Variants in GPR78 observed in about 807,000 individuals in gnomAD.
GPR78 encodes G protein-coupled receptor 78.
GPR78 carries 29 observed loss-of-function variants against 17.9 expected under a neutral mutation model. The observed-to-expected ratio is 1.62, with a 90% CI of 1.20 to 2.21. The LOEUF (loss-of-function observed/expected upper bound fraction) is 2.21. Ranked by LOEUF, GPR78 falls within the 30% of genes most tolerant of loss-of-function variation. GPR78 has a pLI of 0.00. For missense variants in GPR78, 649 were observed against 530.5 expected (o/e 1.22, Z -2.19); for synonymous variants, 349 against 256.9 (o/e 1.36, Z -3.43).
At chr4:8,582,711 C>T (rs925373998) in intron 2 of GPR78, 67 bp downstream of exon 2, 2 of 1,041,130 alleles carry the variant, frequency 1.9e-6, no homozygotes, top group Non-Finnish European at 3.0e-6. Flanking sequence ...GTTGAGTAGG[C>T]CTCTGAGGTT....
At chr4:8,586,188 C>T (rs1347740721) in intron 2 of GPR78, among the ~76,000 whole-genome samples, 2 of 152,200 alleles carry the variant, frequency 1.3e-5, no homozygotes, top group African/African-American at 4.8e-5. Flanking sequence ...ATGGCCCCTA[C>T]CCTAGGCTGT....
chr4:8,585,571 T>C (rs1577099907), intron 2 of GPR78, among the ~76,000 whole-genome samples: 1 of 152,306 alleles, frequency 6.6e-6, no homozygotes, highest in South Asian at 2.1e-4. Context: ...GTGCATGTGC[T>C]GGCCGGTGGC....
At chr4:8,586,806 C>A (rs940291539) in intron 2 of GPR78, among the ~76,000 whole-genome samples, 3 of 152,204 alleles carry the variant, frequency 2.0e-5, no homozygotes, top group Admixed American at 6.5e-5. Flanking sequence ...GTGCTGCCAC[C>A]TACTGAGCAC....
chr4:8,589,664 A>G lies in GPR78; in HGVS notation c.*2301A>G, dbSNP rs1414130322. ...TGTGTTATTGCATCTCCGCCAGGCTAAAAGCCTTGGTCACTACTTTAGAGC... is the reference window on the plus strand; with the variant it reads ...TGTGTTATTGCATCTCCGCCAGGCTGAAAGCCTTGGTCACTACTTTAGAGC... On this transcript the variant is annotated 3_prime_UTR_variant, in exon 3 of 3. Coordinates refer to ENST00000382487, the MANE Select transcript of GPR78 (RefSeq NM_080819.5). Among the ~76,000 whole-genome samples the G allele has an allele frequency of 1.3e-5, 2 of 152,232 alleles. No homozygotes were observed. The highest frequency in any genetic ancestry group is 2.9e-5 in the Non-Finnish European group (2 of 68,034).
In GPR78 at chr4:8,587,177, C is replaced by T. The variant is rs761866650; in HGVS notation, c.906C>T (p.Arg302=). ...ACTCTCTGCTCCGCCGGCCGTTCCG[C>T]CAAGTCCTGGCCGGCATGGTGCACC... ...FTYSLLRRPF[R]QVLAGMVHRL... is the part of the protein sequence containing the mutation. The change falls in exon 3 of 3, where the codon CGC becomes CGT. Residue 302 remains arginine (R), a synonymous_variant. Transcript: ENST00000382487. 3.1e-6 allele frequency: 5 copies of T among 1,613,232 alleles called. No homozygotes were observed. The South Asian group carries it at 5.5e-5, about 18-fold the overall frequency.
chr4:8,584,222 C>CATG (rs10662031), intron 2 of GPR78, among the ~76,000 whole-genome samples: 12,239 of 152,064 alleles, frequency 0.08, 1,464 homozygotes, highest in African/African-American at 0.26. Context: ...CTTACTCAGC[C>CATG]ATATTATGTT....
Position 8,581,536 on chromosome 4 carries a change from T to G in GPR78, c.554T>G (p.Leu185Arg). 2 of 1,587,956 alleles carry G rather than the reference T, an allele frequency of 1.3e-6. No homozygotes were observed. The highest frequency in any genetic ancestry group is 8.5e-7 in the Non-Finnish European group (1 of 1,175,172). ...CATGCCGTGGGCTTCGTGCTGCCGC[T>G]GGCGGTGCTCTGCCTCACCTCGCTC... ...TLHAVGFVLP[L>R]AVLCLTSLQV... The change falls in exon 1 of 3, where the codon CTG (leucine) becomes CGG (arginine). Residue 185 changes from leucine (L) to arginine (R), a missense_variant. Physicochemically the swap from Leu to Arg is moderately radical, Grantham distance 102. Coordinates refer to ENST00000382487, the MANE Select transcript of GPR78 (RefSeq NM_080819.5).
intron 2 of GPR78, among the ~76,000 whole-genome samples, chr4:8,585,114 G>A (rs903278020): frequency 2.0e-5 from 3 of 152,224 alleles, no homozygotes; most frequent in African/African-American, 7.2e-5. Context: ...CCCGTGGGGT[G>A]TGCGGCAGTG....
chr4:8,583,219 C>T lies in GPR78; in HGVS notation c.782+575C>T, dbSNP rs544548198. On this transcript the variant is annotated intron_variant, in intron 2 of 2. Coordinates refer to ENST00000382487, the MANE Select transcript of GPR78 (RefSeq NM_080819.5). ...GGGCAGGGGAGTCTGTAGTTTTTGC[C>T]TCCGGGGTTCCTGGGTCACCCACTC... 7.2e-5 allele frequency among the ~76,000 whole-genome samples: 11 copies of T among 152,276 alleles called. No individual in the cohort carries two copies. The South Asian group carries it at 2.1e-3, about 29-fold the overall frequency.
rs138915515 is a variant in GPR78, at chr4:8,581,483, G to C, written c.501G>C (p.Pro167=). 2.5e-6 allele frequency: 4 copies of C among 1,591,996 alleles called. 1 individual carries two copies. Among genetic ancestry groups the C allele is most frequent in the South Asian group, 2.2e-5 (2 of 89,722 alleles). The part of the protein sequence containing the change: ...SLRLPPEPER[P]RFAAFTATLH... ...GCCTGCCGCCCGAGCCTGAGCGTCC[G>C]CGCTTCGCAGCCTTCACCGCCACGC... Residue 167 remains proline, a synonymous_variant, in exon 1 of 3, where the codon CCG becomes CCC. Transcript: ENST00000382487.
rs1560280022 is a variant in GPR78, at chr4:8,580,674, GC to G, written c.-308del. The G allele has an allele frequency of 4.5e-6, 2 of 445,864 alleles. No homozygotes were observed. The highest frequency in any genetic ancestry group is 7.8e-6 in the Non-Finnish European group (2 of 254,948). The allele number at this position is 445,864 out of a possible 1,614,324, so 27.6% of individuals were successfully genotyped here. A position where few individuals can be genotyped will look rare whatever the true frequency, so the allele number is the denominator to read the frequency against. ...CCTACGCCCCGCGCCCCTGCGCCTC[GC>G]TTCAGCCTCAGGACAGTCCTGCCGG... On this transcript the variant is annotated 5_prime_UTR_variant, in exon 1 of 3. Coordinates refer to ENST00000382487, the MANE Select transcript of GPR78 (RefSeq NM_080819.5).
chr4:8,588,465 C>G lies in GPR78; in HGVS notation c.*1102C>G, dbSNP rs1481806712. Among the ~76,000 whole-genome samples the G allele has an allele frequency of 6.6e-6, 1 of 152,244 alleles. No homozygotes were observed. Among genetic ancestry groups the G allele is most frequent in the Non-Finnish European group, 1.5e-5 (1 of 68,046 alleles). ...ATTTCACAGCTCAGGGAAAGGTGCA[C>G]AGTGCACACGGGCACCCGGTGGAGA... is the stretch of plus-strand genomic sequence containing the variant. On this transcript the variant is annotated 3_prime_UTR_variant, in exon 3 of 3. Coordinates refer to ENST00000382487, the MANE Select transcript of GPR78 (RefSeq NM_080819.5).
chr4:8,582,815 C>T (rs147129513), intron 2 of GPR78, 171 bp downstream of exon 2: 2 of 595,142 alleles, frequency 3.4e-6, no homozygotes, highest in Admixed American at 5.6e-5. Flanking sequence ...GGGAAAGATC[C>T]TGGGAGGGAG....
At chr4:8,586,524 C>G (rs570371773) in intron 2 of GPR78, among the ~76,000 whole-genome samples, 2 of 152,330 alleles carry the variant, frequency 1.3e-5, no homozygotes, top group South Asian at 4.1e-4. Flanking sequence ...TGTTCTGCAG[C>G]CCAGGTTGAC....
intron 2 of GPR78, among the ~76,000 whole-genome samples, chr4:8,585,723 C>T (rs990393442): frequency 6.6e-6 from 1 of 152,108 alleles, no homozygotes; most frequent in African/African-American, 2.4e-5. Flanking sequence ...CTGTGCCCCT[C>T]ACCTTCTCTC....
In GPR78 at chr4:8,587,067, G is replaced by C. The variant is rs137974329; in HGVS notation, c.796G>C (p.Val266Leu). The C allele has an allele frequency of 6.2e-7, 1 of 1,611,170 alleles. No individual in the cohort carries two copies. Among genetic ancestry groups the C allele is most frequent in the African/African-American group, 1.3e-5 (1 of 74,908 alleles). The change falls in exon 3 of 3, where the codon GTG becomes CTG. Residue 266 changes from valine (V) to leucine (L), a missense_variant. Transcript: ENST00000382487. ...PYVMTRLAEL[V>L]PFVTVNAQWG... is the part of the protein sequence containing the mutation. The stretch of plus-strand genomic sequence containing the variant: ...CTTCCCCAACAGGCTGGCGGAGCTC[G>C]TGCCCTTCGTCACCGTGAACGCCCA...
At position 8,582,569 on chromosome 4, in the gene GPR78, G is replaced by C. The variant is rs371542714; in HGVS notation, c.707G>C (p.Arg236Pro). 2 of 1,612,018 alleles carry C rather than the reference G, an allele frequency of 1.2e-6. No individual in the cohort carries two copies. Among genetic ancestry groups the C allele is most frequent in the East Asian group, 4.5e-5 (2 of 44,874 alleles). ...TGCCTCATCCAGCAGAAGCGGCGCC[G>C]CCACCGCGCCACCAGGAAGATTGGC... Reference protein sequence around the residue: ...QRCLIQQKRRRHRATRKIGIA... With the variant: ...QRCLIQQKRRPHRATRKIGIA... Residue 236 changes from arginine (R) to proline (P), a missense_variant, in exon 2 of 3, where the codon CGC (arginine) becomes CCC (proline). By Grantham distance (103) the Arg-to-Pro change is moderately radical (BLOSUM62 -2). Coordinates refer to ENST00000382487, the MANE Select transcript of GPR78 (RefSeq NM_080819.5).
chr4:8,589,912 T>C lies in GPR78; in HGVS notation c.*2549T>C, dbSNP rs1323105622. Among the ~76,000 whole-genome samples, 1 of 3,152 alleles carries C rather than the reference T, an allele frequency of 3.2e-4. No homozygotes were observed. Among genetic ancestry groups the C allele is most frequent in the African/African-American group, 4.5e-4 (1 of 2,224 alleles). The allele number at this position is 3,152 out of a possible 152,430, so 2.1% of individuals were successfully genotyped here. ...ATCCCTTGCCTTAGGCTTGTGGCCT[T>C]TTTTTTTTTTTTTTTTTTAATTTGA... is the stretch of plus-strand genomic sequence containing the variant. On this transcript the variant is annotated 3_prime_UTR_variant, in exon 3 of 3. Transcript: ENST00000382487.
chr4:8,580,668 C>G lies in GPR78; in HGVS notation c.-315C>G. ...CTCGCCCCTACGCCCCGCGCCCCTGCGCCTCGCTTCAGCCTCAGGACAGTC... is the reference window on the plus strand; with the variant it reads ...CTCGCCCCTACGCCCCGCGCCCCTGGGCCTCGCTTCAGCCTCAGGACAGTC... On this transcript the variant is annotated 5_prime_UTR_variant, in exon 1 of 3. Coordinates refer to ENST00000382487, the MANE Select transcript of GPR78 (RefSeq NM_080819.5). 1 of 443,290 alleles carries G rather than the reference C, an allele frequency of 2.3e-6. No homozygotes were observed. 27.5% of individuals were successfully genotyped at this position (443,290 alleles called of 1,614,324 possible).
Sources: gnomAD v4.1 joint callset for allele counts (sites outside exome capture counted in the v4.1 genomes callset) on GRCh38, gnomAD v4.1.1 for gene constraint, MANE v1.5 for transcripts, NCBI Gene and HGNC (gene_info 2026-07-23, HGNC 2026-07-21) for gene names.